ARHGAP22: variants seen among roughly 807,000 people sequenced by gnomAD.
The protein encoded by ARHGAP22 is rho GTPase-activating protein 22.
In ARHGAP22, 48 loss-of-function variants were observed where a neutral mutation model predicts 59.1. The observed-to-expected ratio is 0.81, with a 90% CI of 0.64 to 1.03. ARHGAP22 has a LOEUF of 1.03. Among genes scored for constraint, ARHGAP22 ranks in the 50% least tolerant of loss-of-function variants. The pLI is 0.00. For missense variants in ARHGAP22, 1,015 were observed against 958.7 expected (o/e 1.06, Z -0.78); for synonymous variants, 445 against 416.4 (o/e 1.07, Z -0.84).
intron 1 of ARHGAP22, among the ~76,000 whole-genome samples, chr10:48,643,510 A>C (rs543981820): frequency 1.3e-5 from 2 of 151,902 alleles, no homozygotes; most frequent in East Asian, 3.9e-4. Flanking sequence ...AGCACAAAAA[A>C]CCAAACATCG....
chr10:48,440,392 T>C, the ARHGAP22 span, among the ~76,000 whole-genome samples: 5,852 of 151,926 alleles, frequency 0.039, 119 homozygotes, highest in African/African-American at 0.048. Flanking sequence ...AAGCTGGGAG[T>C]AGGAAATAGA....
At chr10:48,465,595 C>A (rs893247432) in intron 4 of ARHGAP22, among the ~76,000 whole-genome samples, 1 of 152,208 alleles carries the variant, frequency 6.6e-6, no homozygotes, top group Non-Finnish European at 1.5e-5. Context: ...AGTCCCACCC[C>A]GAAGGCCGCA....
intron 3 of ARHGAP22, among the ~76,000 whole-genome samples, chr10:48,526,645 G>T (rs972194631): frequency 1.3e-5 from 2 of 152,166 alleles, no homozygotes; most frequent in African/African-American, 2.4e-5. Flanking sequence ...ATTGTCCAAC[G>T]GCCAAGTCCT....
intron 2 of ARHGAP22, among the ~76,000 whole-genome samples, chr10:48,557,602 A>G (rs1035819005): frequency 3.3e-5 from 5 of 152,170 alleles, no homozygotes; most frequent in Non-Finnish European, 7.4e-5. Flanking sequence ...AGGTGTGCCC[A>G]ATGCTGGAGC....
intron 1 of ARHGAP22, among the ~76,000 whole-genome samples, chr10:48,614,434 C>G (rs570983627): frequency 6.6e-6 from 1 of 152,272 alleles, no homozygotes; most frequent in East Asian, 1.9e-4. Flanking sequence ...TTATGGATTA[C>G]ATGCTACCCA....
the ARHGAP22 span, among the ~76,000 whole-genome samples, chr10:48,440,384 G>C: frequency 6.6e-6 from 1 of 152,208 alleles, no homozygotes; most frequent in Non-Finnish European, 1.5e-5. Flanking sequence ...TGTGCCAGAA[G>C]CTGGGAGTAG....
chr10:48,597,103 C>A (rs568399955), intron 1 of ARHGAP22, among the ~76,000 whole-genome samples: 1 of 152,176 alleles, frequency 6.6e-6, no homozygotes, highest in Admixed American at 6.5e-5. Context: ...TGACTTCCAT[C>A]CCTTATGCTG....
chr10:48,469,650 C>T (rs1463735279), intron 4 of ARHGAP22, among the ~76,000 whole-genome samples: 1 of 152,194 alleles, frequency 6.6e-6, no homozygotes, highest in Admixed American at 6.5e-5. Context: ...GGCTGCGCTG[C>T]CCCCAGCCCC....
In ARHGAP22 at chr10:48,506,039, C is replaced by T. The variant is rs150265797; in HGVS notation, c.323-26275G>A. Among the ~76,000 whole-genome samples, 362 of 152,234 alleles carry T rather than the reference C, an allele frequency of 2.4e-3. 2 individuals are homozygous for T. Among genetic ancestry groups the T allele is most frequent in the African/African-American group, 8.3e-3 (343 of 41,470 alleles). ...TTGGCCACCACGTATCTCTCACCGA[C>T]GCTCCTTCCCTCTTCACGAGGAGTT... On this transcript the variant is annotated intron_variant, in intron 3 of 9. Transcript: ENST00000249601.
At chr10:48,626,546 G>A (rs142744863) in intron 1 of ARHGAP22, among the ~76,000 whole-genome samples, 10 of 152,256 alleles carry the variant, frequency 6.6e-5, no homozygotes, top group Non-Finnish European at 1.2e-4. Flanking sequence ...TGGCACATTC[G>A]GAACTTCCTG....
the ARHGAP22 span, among the ~76,000 whole-genome samples, chr10:48,433,123 CT>C: frequency 6.6e-6 from 1 of 152,152 alleles, no homozygotes; most frequent in African/African-American, 2.4e-5. Flanking sequence ...CCATGTGAGA[CT>C]AAAGATTTTC....
Position 48,583,016 on chromosome 10 carries a change from G to A in ARHGAP22, c.171C>T (p.Arg57=). ...GCTGATCCCCACGCAGCACAAACCA[G>A]CGCTGCTGCCAGTTCTTCATGATGC... ...QRSIMKNWQQ[R]WFVLRGDQLF... Residue 57 remains arginine (R), a synonymous_variant, in exon 2 of 10, where the codon CGC becomes CGT. Coordinates refer to ENST00000249601, the MANE Select transcript of ARHGAP22 (RefSeq NM_021226.4). 6.2e-7 allele frequency: 1 copy of A among 1,614,230 alleles called. No individual in the cohort carries two copies. Among genetic ancestry groups the A allele is most frequent in the Non-Finnish European group, 8.5e-7 (1 of 1,180,040 alleles).
chr10:48,443,453 C>T (rs1366796654), downstream of ARHGAP22, among the ~76,000 whole-genome samples: 2 of 152,144 alleles, frequency 1.3e-5, no homozygotes, highest in Non-Finnish European at 1.5e-5. Context: ...GACCCCTGTG[C>T]TCAAGTGTTG....
chr10:48,650,726 A>G (rs1274774061), intron 1 of ARHGAP22, among the ~76,000 whole-genome samples: 1 of 152,212 alleles, frequency 6.6e-6, no homozygotes, highest in Non-Finnish European at 1.5e-5. Flanking sequence ...GGAACCTCCT[A>G]CAAAAGCAAG....
intron 1 of ARHGAP22, among the ~76,000 whole-genome samples, chr10:48,594,644 G>A (rs573120517): frequency 6.6e-6 from 1 of 152,292 alleles, no homozygotes; most frequent in East Asian, 1.9e-4. Context: ...TTGGAAGACC[G>A]GCCTTGGGCT....
intron 1 of ARHGAP22, among the ~76,000 whole-genome samples, chr10:48,592,565 G>A (rs993847772): frequency 1.4e-4 from 22 of 151,946 alleles, no homozygotes; most frequent in African/African-American, 5.3e-4. Context: ...CCATCTCCCC[G>A]TCTTCCTGAC....
Position 48,450,783 on chromosome 10 carries a change from A to G in ARHGAP22, c.1346T>C (p.Leu449Pro), listed in dbSNP as rs1215009772. 3 of 1,567,892 alleles carry G rather than the reference A, an allele frequency of 1.9e-6. No homozygotes were observed. The highest frequency in any genetic ancestry group is 2.6e-6 in the Non-Finnish European group (3 of 1,157,292). The change falls in exon 9 of 10, where the codon CTG becomes CCG. Residue 449 changes from leucine (L) to proline (P), a missense_variant. Transcript: ENST00000249601. The stretch of plus-strand genomic sequence containing the variant: ...GCCGGAGGAGATGATGGGCACCTCC[A>G]GGGATGAGCCGCCCCCCTTCGGGCT... The part of the protein sequence containing the change: ...SGSPKGGGSS[L>P]EVPIISSGGN...
At chr10:48,466,267 G>A (rs1471910653) in intron 4 of ARHGAP22, among the ~76,000 whole-genome samples, 1 of 39,024 alleles carries the variant, frequency 2.6e-5, no homozygotes, top group African/African-American at 1.9e-4. Flanking sequence ...GCAAGTCCCT[G>A]CGCCCCCCCC....
chr10:48,451,172 C>T (rs1349479938), intron 8 of ARHGAP22, 32 bp from the exon 9 acceptor site: 1 of 1,550,388 alleles, frequency 6.4e-7, no homozygotes, highest in South Asian at 1.2e-5. Flanking sequence ...AAGGGCCTTG[C>T]TGCCAGCCAC....
Sources: gnomAD v4.1 joint callset for allele counts (sites outside exome capture counted in the v4.1 genomes callset) on GRCh38, gnomAD v4.1.1 for gene constraint, MANE v1.5 for transcripts, NCBI Gene and HGNC (gene_info 2026-07-23, HGNC 2026-07-21) for gene names.